The following PCDH11X variants were observed in gnomAD, a reference collection of about 807,000 sequenced individuals.
PCDH11X encodes protocadherin-11 X-linked.
A neutral mutation model predicts 53.3 loss-of-function variants in PCDH11X; 18 were observed. The ratio of observed to expected loss-of-function variants is 0.34; its 90% CI spans 0.23 to 0.50. PCDH11X has a LOEUF of 0.50. Ranked by LOEUF, PCDH11X falls within the 20% of genes least tolerant of loss-of-function variation. PCDH11X has a pLI of 0.98. For missense variants in PCDH11X, 570 were observed against 1,032.4 expected (o/e 0.55, Z 6.14); for synonymous variants, 279 against 393.3 (o/e 0.71, Z 3.44).
intron 1 of PCDH11X, among the ~76,000 whole-genome samples, chrX:91,800,575 A>T (rs1316734203): frequency 1.8e-5 from 2 of 110,276 alleles, no homozygotes; most frequent in Non-Finnish European, 3.8e-5. Flanking sequence ...AACAAACATG[A>T]TACATAATAG....
intron 10 of PCDH11X, among the ~76,000 whole-genome samples, chrX:92,563,094 A>T (rs1395048052): frequency 1.4e-5 from 1 of 72,833 alleles, no homozygotes; most frequent in Non-Finnish European, 2.5e-5. Flanking sequence ...GAAATAGCTG[A>T]CACTGGGAAA....
At chrX:92,134,822 C>T (rs1190051650) in intron 6 of PCDH11X, among the ~76,000 whole-genome samples, 2 of 111,214 alleles carry the variant, frequency 1.8e-5, no homozygotes, top group East Asian at 2.8e-4. Context: ...CCAGAGGTCA[C>T]TCTTGTTGCC....
At chrX:91,949,792 A>G (rs1164529333) in intron 6 of PCDH11X, among the ~76,000 whole-genome samples, 12 of 109,481 alleles carry the variant, frequency 1.1e-4, no homozygotes, top group African/African-American at 3.6e-4. Flanking sequence ...TACAAACTAT[A>G]ATTATTTAAT....
intron 6 of PCDH11X, among the ~76,000 whole-genome samples, chrX:91,917,076 A>C (rs1332007613): frequency 8.9e-6 from 1 of 111,834 alleles, no homozygotes; most frequent in East Asian, 2.8e-4. Flanking sequence ...CGATTTTCTC[A>C]ATAGATGCAG....
chrX:92,117,640 C>A (rs2064667977), intron 6 of PCDH11X, among the ~76,000 whole-genome samples: 1 of 111,128 alleles, frequency 9.0e-6, no homozygotes, highest in African/African-American at 3.3e-5. Context: ...AGGTTTATTT[C>A]TATAGCAGTA....
intron 10 of PCDH11X, among the ~76,000 whole-genome samples, chrX:92,537,439 A>G (rs1462294039): frequency 9.1e-6 from 1 of 110,378 alleles, no homozygotes; most frequent in Non-Finnish European, 1.9e-5. Flanking sequence ...TACTACCTAA[A>G]TTAATCTATT....
At chrX:92,294,548 T>G in intron 8 of PCDH11X, among the ~76,000 whole-genome samples, 1 of 112,351 alleles carries the variant, frequency 8.9e-6, no homozygotes, top group Non-Finnish European at 1.9e-5. Context: ...TGAAATATGC[T>G]CATTAATTAA....
At chrX:92,614,197 A>G (rs867219420) in intron 10 of PCDH11X, among the ~76,000 whole-genome samples, 36 of 110,983 alleles carry the variant, frequency 3.2e-4, no homozygotes, top group African/African-American at 1.1e-3. Context: ...TGGTGATGTC[A>G]CTGCATTCAT....
chrX:92,192,932 T>C (rs2066225110), intron 6 of PCDH11X, among the ~76,000 whole-genome samples: 2 of 111,300 alleles, frequency 1.8e-5, no homozygotes, highest in Non-Finnish European at 3.8e-5. Flanking sequence ...AAAGACGAGG[T>C]TTCACCATGT....
At chrX:92,117,747 A>C (rs2064669496) in intron 6 of PCDH11X, among the ~76,000 whole-genome samples, 1 of 111,827 alleles carries the variant, frequency 8.9e-6, no homozygotes, top group South Asian at 3.7e-4. Flanking sequence ...TTCAACATCA[A>C]GTAACCCCTG....
intron 10 of PCDH11X, among the ~76,000 whole-genome samples, chrX:92,571,023 C>A (rs2750556): frequency 9.0e-6 from 1 of 111,705 alleles, no homozygotes; most frequent in Admixed American, 9.5e-5. Flanking sequence ...ATATCTTTGA[C>A]GAGTTTTTAT....
intron 6 of PCDH11X, among the ~76,000 whole-genome samples, chrX:91,921,110 A>G (rs748255228): frequency 9.0e-6 from 1 of 111,720 alleles, no homozygotes; most frequent in South Asian, 3.8e-4. Flanking sequence ...CTTTGCTCCC[A>G]GAGCACTCAG....
rs1443859789 is a variant in PCDH11X at position 92,528,684 on chromosome X, C to T, written c.3367+60362C>T. 6.3e-5 allele frequency among the ~76,000 whole-genome samples: 7 copies of T among 111,317 alleles called. No homozygotes were observed. The Admixed American group carries it at 6.7e-4, about 11-fold the overall frequency. The stretch of plus-strand genomic sequence containing the variant: ...ATCCTGACAGTGTTATTATATTTCT[C>T]TATATTTTAATAAGAATTCAAATTA... On this transcript the variant is annotated intron_variant, in intron 10 of 10. Coordinates refer to ENST00000682573, the MANE Select transcript of PCDH11X (RefSeq NM_032968.5).
intron 7 of PCDH11X, among the ~76,000 whole-genome samples, chrX:92,255,342 C>T (rs2067550455): frequency 1.1e-5 from 1 of 94,834 alleles, no homozygotes; most frequent in Non-Finnish European, 2.1e-5. Flanking sequence ...ATACATTCTT[C>T]TAAATTTTTT....
chrX:92,205,612 T>G (rs2066462715), intron 7 of PCDH11X, among the ~76,000 whole-genome samples: 1 of 104,866 alleles, frequency 9.5e-6, no homozygotes, highest in African/African-American at 3.5e-5. Flanking sequence ...TTTTTTTTTT[T>G]TTTTTGAGAC....
chrX:92,027,575 G>GT (rs1417403880), intron 6 of PCDH11X, among the ~76,000 whole-genome samples: 1 of 109,200 alleles, frequency 9.2e-6, no homozygotes, highest in Non-Finnish European at 1.9e-5. Flanking sequence ...AAGTAATACC[G>GT]TATCACTCTC....
intron 8 of PCDH11X, chrX:92,288,102 T>C (rs990967676): frequency 3.5e-5 from 16 of 452,569 alleles, no homozygotes; most frequent in African/African-American, 1.5e-4. Flanking sequence ...CAGTCTCAGG[T>C]AGTTCTTTAT....
chrX:92,531,040 T>C (rs193150610), intron 10 of PCDH11X, among the ~76,000 whole-genome samples: 36 of 110,653 alleles, frequency 3.3e-4, no homozygotes, highest in Non-Finnish European at 6.1e-4. Context: ...AGAAAAACAC[T>C]AGAAATAGAA....
intron 6 of PCDH11X, among the ~76,000 whole-genome samples, chrX:92,143,436 G>C (rs199787052): frequency 1.8e-5 from 2 of 112,375 alleles, no homozygotes; most frequent in East Asian, 5.6e-4. Context: ...TAGGGACTTG[G>C]TGCCCTGTGT....
Sources: gnomAD v4.1 joint callset for allele counts (sites outside exome capture counted in the v4.1 genomes callset) on GRCh38, gnomAD v4.1.1 for gene constraint, MANE v1.5 for transcripts, NCBI Gene and HGNC (gene_info 2026-07-23, HGNC 2026-07-21) for gene names.